The following GPR180 variants were observed in gnomAD, a reference collection of about 807,000 sequenced individuals.
GPR180 encodes the protein G protein-coupled receptor 180, also known as integral membrane protein GPR180.
In GPR180, 53 loss-of-function variants were observed where a neutral mutation model predicts 52.6. The ratio of observed to expected loss-of-function variants is 1.01; its 90% confidence interval spans 0.81 to 1.27. The LOEUF (loss-of-function observed/expected upper bound fraction) is 1.27. Ranked by LOEUF, GPR180 falls within the 50% of genes most tolerant of loss-of-function variation. The pLI, the probability that GPR180 is intolerant of heterozygous loss-of-function variation, is 0.00. For synonymous variants in GPR180, 200 were observed against 193.1 expected, an observed-to-expected ratio of 1.04 and a Z score of -0.30; for missense variants, 533 against 527.0, an observed-to-expected ratio of 1.01 and a Z score of -0.11.
At chr13:94,617,118 ATAT>A (rs1396394929) in intron 3 of GPR180, among the ~76,000 whole-genome samples, 11 of 152,202 alleles carry the variant, frequency 7.2e-5, no homozygotes, top group Admixed American at 7.2e-4. Context: ...CCTTCCTTCT[ATAT>A]TATTCTCATT....
chr13:94,618,420 A>AGTTTTTTTTTTTTTTTTT (rs1889805818), intron 3 of GPR180, among the ~76,000 whole-genome samples: 1 of 87,156 alleles, frequency 1.1e-5, no homozygotes, highest in Non-Finnish European at 2.1e-5. Context: ...TCAGCACAGG[A>AGTTTTTTTTTTTTTTTTT]TTTTTTTTTT....
chr13:94,613,917 C>T (rs542539196), intron 3 of GPR180, among the ~76,000 whole-genome samples: 159 of 150,058 alleles, frequency 1.1e-3, no homozygotes, highest in African/African-American at 3.7e-3. Flanking sequence ...CTTGCCCTGT[C>T]GCCCAGCCTG....
intron 3 of GPR180, among the ~76,000 whole-genome samples, chr13:94,618,420 A>ATTTTTTTTTTTTTTTTTTTTTGTT (rs1889806975): frequency 1.1e-5 from 1 of 87,156 alleles, no homozygotes; most frequent in African/African-American, 6.3e-5. Flanking sequence ...TCAGCACAGG[A>ATTTTTTTTTTTTTTTTTTTTTGTT]TTTTTTTTTT....
chr13:94,605,878 T>C (rs1161167774), intron 2 of GPR180, among the ~76,000 whole-genome samples: 1 of 152,248 alleles, frequency 6.6e-6, no homozygotes, highest in Non-Finnish European at 1.5e-5. Flanking sequence ...ATGCTAATTA[T>C]CTGCCAGCAC....
At chr13:94,602,227 C>G (rs935551049) in intron 1 of GPR180, among the ~76,000 whole-genome samples, 155 bp downstream of exon 1, 1 of 152,224 alleles carries the variant, frequency 6.6e-6, no homozygotes, top group African/African-American at 2.4e-5. Flanking sequence ...GCAGCTGCCG[C>G]GAATGGTGGG....
At position 94,629,207 on chromosome 13, in the gene GPR180, A is replaced by G. The variant is rs554142905; in HGVS notation, c.*2036A>G. Reference sequence around the variant, plus strand: ...ATTCGCTCTTTTTCTGAATGTTTACATAGAGATTCATCACTGCAGATTACA... The same window carrying G: ...ATTCGCTCTTTTTCTGAATGTTTACGTAGAGATTCATCACTGCAGATTACA... On this transcript the variant is annotated 3_prime_UTR_variant, in exon 9 of 9. Transcript: ENST00000376958. The G allele has an allele frequency of 2.6e-5, 4 of 152,296 alleles. No homozygotes were observed. Among genetic ancestry groups the G allele is most frequent in the East Asian group, 3.9e-4 (2 of 5,190 alleles). The allele number at this position is 152,296 out of a possible 1,614,324, so 9.4% of individuals were successfully genotyped here.
intron 3 of GPR180, among the ~76,000 whole-genome samples, chr13:94,617,298 A>G (rs939196411): frequency 2.0e-5 from 3 of 152,188 alleles, no homozygotes; most frequent in Non-Finnish European, 4.4e-5. Flanking sequence ...ACTAAGAAGG[A>G]AAGATAAAAA....
intron 2 of GPR180, among the ~76,000 whole-genome samples, chr13:94,608,884 A>G (rs1046434040): frequency 6.6e-6 from 1 of 152,170 alleles, no homozygotes; most frequent in Non-Finnish European, 1.5e-5. Context: ...ACTCTCCCAA[A>G]TTAATGTTTG....
At chr13:94,615,216 T>G (rs1220709722) in intron 3 of GPR180, among the ~76,000 whole-genome samples, 1 of 152,236 alleles carries the variant, frequency 6.6e-6, no homozygotes, top group Non-Finnish European at 1.5e-5. Flanking sequence ...AAATACAGCC[T>G]TAAGAGGGAT....
chr13:94,613,634 G>A (rs1048992205), intron 3 of GPR180, among the ~76,000 whole-genome samples: 6 of 152,064 alleles, frequency 3.9e-5, no homozygotes, highest in Non-Finnish European at 8.8e-5. Flanking sequence ...TGAAAGAAAT[G>A]AAATAGTGTA....
At chr13:94,605,252 G>T in intron 1 of GPR180, 139 bp from the exon 2 acceptor site, 1 of 693,746 alleles carries the variant, frequency 1.4e-6, no homozygotes, top group South Asian at 1.7e-5. Flanking sequence ...ATTATGATGT[G>T]ATTTACCTAG....
chr13:94,626,998 T>G lies in GPR180; in HGVS notation c.1165-15T>G. 6.4e-7 allele frequency: 1 copy of G among 1,565,994 alleles called. No homozygotes were observed. Among genetic ancestry groups the G allele is most frequent in the Non-Finnish European group, 8.6e-7 (1 of 1,157,278 alleles). ...TCTGCATGTAGTAAAAGCATTCCTTTCCTTTTCTTTTCAGGTTATTACAAT... is the reference window on the plus strand; with the variant it reads ...TCTGCATGTAGTAAAAGCATTCCTTGCCTTTTCTTTTCAGGTTATTACAAT... On this transcript the variant is annotated splice_polypyrimidine_tract_variant and intron_variant, in intron 8 of 8. Coordinates refer to ENST00000376958, the MANE Select transcript of GPR180 (RefSeq NM_180989.6).
chr13:94,621,637 G>T, intron 6 of GPR180, among the ~76,000 whole-genome samples: 1 of 152,046 alleles, frequency 6.6e-6, no homozygotes, highest in Non-Finnish European at 1.5e-5. Context: ...TTTATCCATT[G>T]TCAAGAATCT....
At chr13:94,608,107 A>T (rs1287637926) in intron 2 of GPR180, among the ~76,000 whole-genome samples, 1 of 152,242 alleles carries the variant, frequency 6.6e-6, no homozygotes, top group African/African-American at 2.4e-5. Context: ...TATGAGTCAT[A>T]TTCCTGTATT....
At chr13:94,619,064 A>C in intron 3 of GPR180, 86 bp from the exon 4 acceptor site, 1 of 1,033,280 alleles carries the variant, frequency 9.7e-7, no homozygotes, top group Non-Finnish European at 1.4e-6. Flanking sequence ...AGTTCTAGAA[A>C]TATATTGACA....
rs1257648787 is a variant in GPR180 at position 94,605,556 on chromosome 13, A to G, written c.304+7A>G. 7 of 1,603,780 alleles carry G rather than the reference A, an allele frequency of 4.4e-6. No homozygotes were observed. Among genetic ancestry groups the G allele is most frequent in the African/African-American group, 2.7e-5 (2 of 74,492 alleles). On this transcript the variant is annotated splice_region_variant and intron_variant, in intron 2 of 8. Coordinates refer to ENST00000376958, the MANE Select transcript of GPR180 (RefSeq NM_180989.6). ...TCCAAAGCTCAGTTGACAAGTGAGTATATCCTTTTTTCTTTGATCATTAGA... is the reference window on the plus strand; with the variant it reads ...TCCAAAGCTCAGTTGACAAGTGAGTGTATCCTTTTTTCTTTGATCATTAGA...
At position 94,632,704 on chromosome 13, in the gene GPR180, GAGCTCTGAT is replaced by G. The variant is rs1890014521; in HGVS notation, c.*5536_*5544del. 6.6e-6 allele frequency: 1 copy of G among 152,140 alleles called. No individual in the cohort carries two copies. Among genetic ancestry groups the G allele is most frequent in the African/African-American group, 2.4e-5 (1 of 41,428 alleles). 9.4% of individuals were successfully genotyped at this position (152,140 alleles called of 1,614,324 possible). A position where few individuals can be genotyped will look rare whatever the true frequency, so the allele number is the denominator to read the frequency against. Reference sequence around the variant, plus strand: ...TGGAAGTATCTTTGTTATTCATAGTGAGCTCTGATAGTTACGCTAACCAGATGACTCAAA... The same window carrying G: ...TGGAAGTATCTTTGTTATTCATAGTGAGTTACGCTAACCAGATGACTCAAA... On this transcript the variant is annotated 3_prime_UTR_variant, in exon 9 of 9. Transcript: ENST00000376958.
chr13:94,610,200 A>G (rs960414720), intron 2 of GPR180, among the ~76,000 whole-genome samples: 2 of 152,224 alleles, frequency 1.3e-5, no homozygotes, highest in African/African-American at 2.4e-5. Context: ...CTGTTTAACT[A>G]TCATACACCT....
At chr13:94,607,069 C>G (rs921426308) in intron 2 of GPR180, among the ~76,000 whole-genome samples, 3 of 152,180 alleles carry the variant, frequency 2.0e-5, no homozygotes, top group Non-Finnish European at 4.4e-5. Context: ...CTGATGTTCC[C>G]TGTTTTAAGA....
Sources: gnomAD v4.1 joint callset for allele counts (sites outside exome capture counted in the v4.1 genomes callset) on GRCh38, gnomAD v4.1.1 for gene constraint, MANE v1.5 for transcripts, NCBI Gene and HGNC (gene_info 2026-07-23, HGNC 2026-07-21) for gene names.